UNC5B: variants seen among roughly 807,000 people sequenced by gnomAD.
UNC5B encodes unc-5 netrin receptor B, also known as netrin receptor UNC5B.
Under a neutral mutation model 103.7 loss-of-function variants are expected in UNC5B, and 56 were observed. That is an observed-to-expected ratio of 0.54 (90% CI 0.44 to 0.67). The LOEUF (loss-of-function observed/expected upper bound fraction) is 0.67. Among genes scored for constraint, UNC5B ranks in the 30% least tolerant of loss-of-function variants. The pLI is 0.00. For synonymous variants in UNC5B, 577 were observed against 542.0 expected (o/e 1.06, Z -0.90); for missense variants, 1,194 against 1,284.5 (o/e 0.93, Z 1.08).
intron 1 of UNC5B, among the ~76,000 whole-genome samples, chr10:71,248,858 C>G (rs945847961): frequency 6.3e-5 from 2 of 31,810 alleles, no homozygotes; most frequent in Admixed American, 5.7e-4. Context: ...GTCTCTCTCT[C>G]TCTCTCTCTC....
At chr10:71,289,648 G>A (rs1441339561) in intron 8 of UNC5B, among the ~76,000 whole-genome samples, 1 of 152,266 alleles carries the variant, frequency 6.6e-6, no homozygotes, top group Non-Finnish European at 1.5e-5. Flanking sequence ...GCTCACTGGG[G>A]GTCGGGCTGG....
chr10:71,271,915 G>A (rs936606515), intron 1 of UNC5B, among the ~76,000 whole-genome samples: 27 of 152,214 alleles, frequency 1.8e-4, no homozygotes, highest in African/African-American at 5.3e-4. Context: ...ATGACTTGGC[G>A]TCCCCCGAGC....
chr10:71,291,642 T>G lies in UNC5B; in HGVS notation c.1505T>G (p.Leu502Arg). The change falls in exon 10 of 17, where the codon CTG becomes CGG. Residue 502 changes from leucine to arginine, a missense_variant. Physicochemically the swap from Leu to Arg is moderately radical, Grantham distance 102 (BLOSUM62 -2). Transcript: ENST00000335350. ...CCAGGCCTGGCAGATGGGGCTGACC[T>G]GCTGGGGGTCTTGCCGCCTGGCACA... ...SGPGLADGADLLGVLPPGTYP... is the reference protein window; with the variant it reads ...SGPGLADGADRLGVLPPGTYP... 1 of 1,613,948 alleles carries G rather than the reference T, an allele frequency of 6.2e-7. No homozygotes were observed. The highest frequency in any genetic ancestry group is 8.5e-7 in the Non-Finnish European group (1 of 1,180,028).
intron 1 of UNC5B, among the ~76,000 whole-genome samples, chr10:71,214,862 G>A (rs973235370): frequency 6.6e-6 from 1 of 152,188 alleles, no homozygotes; most frequent in South Asian, 2.1e-4. Flanking sequence ...GGCTTTGATG[G>A]ATTTGGGCAC....
rs948386340 is a variant in UNC5B at position 71,212,885 on chromosome 10, G to A, written c.-101G>A. Reference sequence around the variant, plus strand: ...GGCTGGCGCTGCCGGGCGCCGGGGAGGACGGCGAGGAGGAGGCGGCGGCGG... The same window carrying A: ...GGCTGGCGCTGCCGGGCGCCGGGGAAGACGGCGAGGAGGAGGCGGCGGCGG... On this transcript the variant is annotated 5_prime_UTR_variant, in exon 1 of 17. Coordinates refer to ENST00000335350, the MANE Select transcript of UNC5B (RefSeq NM_170744.5). 52 of 991,452 alleles carry A rather than the reference G, an allele frequency of 5.2e-5. No homozygotes were observed. In the African/African-American group the frequency reaches 8.1e-4, roughly 15 times the overall value. 61.4% of individuals were successfully genotyped at this position (991,452 alleles called of 1,614,324 possible).
intron 1 of UNC5B, among the ~76,000 whole-genome samples, chr10:71,276,154 G>A (rs1013942645): frequency 1.2e-4 from 17 of 145,558 alleles, no homozygotes; most frequent in African/African-American, 4.3e-4. Context: ...TCCTGTTAGG[G>A]ACTTCTTTTT....
Position 71,293,479 on chromosome 10 carries a change from G to C in UNC5B, c.1847G>C (p.Arg616Pro). Reference protein sequence around the residue: ...TCGPTGLLLCRPVILTMPHCA... With the variant: ...TCGPTGLLLCPPVILTMPHCA... The stretch of plus-strand genomic sequence containing the variant: ...GGACCCACAGGCCTCCTGCTGTGCC[G>C]CCCCGTCATCCTCACCATGCCCCAC... The change falls in exon 12 of 17, where the codon CGC (arginine) becomes CCC (proline). Residue 616 changes from arginine (R) to proline (P), a missense_variant. By Grantham distance (103) the Arg-to-Pro change is moderately radical. Coordinates refer to ENST00000335350, the MANE Select transcript of UNC5B (RefSeq NM_170744.5). 6.2e-7 allele frequency: 1 copy of C among 1,613,976 alleles called. No individual in the cohort carries two copies.
At chr10:71,229,289 G>A (rs1218787518) in intron 1 of UNC5B, among the ~76,000 whole-genome samples, 2 of 152,198 alleles carry the variant, frequency 1.3e-5, no homozygotes, top group African/African-American at 4.8e-5. Context: ...CAGATCAGCT[G>A]GTCTGCTGGA....
intron 1 of UNC5B, among the ~76,000 whole-genome samples, chr10:71,230,601 C>G (rs960733252): frequency 2.0e-5 from 3 of 152,274 alleles, no homozygotes; most frequent in Non-Finnish European, 4.4e-5. Flanking sequence ...GGCCTCCCCC[C>G]ACATCCCTGG....
intron 1 of UNC5B, among the ~76,000 whole-genome samples, chr10:71,248,249 C>T (rs1235781105): frequency 6.6e-6 from 1 of 152,164 alleles, no homozygotes; most frequent in Non-Finnish European, 1.5e-5. Flanking sequence ...CCACTTGCTT[C>T]CACCTCTCAG....
rs960201579 is a variant in UNC5B, at chr10:71,213,934, C to T, written c.79+870C>T. ...GTGGGCTCCGAAATAAAGTCCCTAA[C>T]CCTCCTCTCTCGCCGTGGATGAATA... On this transcript the variant is annotated intron_variant, in intron 1 of 16. Coordinates refer to ENST00000335350, the MANE Select transcript of UNC5B (RefSeq NM_170744.5). The surrounding 1 kb of genome is among the most constrained non-coding windows in gnomAD (Gnocchi z 4.1). Among the ~76,000 whole-genome samples, 1 of 151,906 alleles carries T rather than the reference C, an allele frequency of 6.6e-6. No individual in the cohort carries two copies. The highest frequency in any genetic ancestry group is 1.5e-5 in the Non-Finnish European group (1 of 67,982).
At chr10:71,242,240 G>A (rs1237487990) in intron 1 of UNC5B, among the ~76,000 whole-genome samples, 5 of 152,168 alleles carry the variant, frequency 3.3e-5, no homozygotes, top group Non-Finnish European at 7.4e-5. Flanking sequence ...TATGACATGT[G>A]ACCTCGCCCC....
intron 3 of UNC5B, 74 bp downstream of exon 3, chr10:71,284,937 C>G: frequency 6.6e-7 from 1 of 1,519,834 alleles, no homozygotes; most frequent in Non-Finnish European, 8.8e-7. Context: ...GAGGGAACTT[C>G]ACATCTGTGG....
intron 2 of UNC5B, among the ~76,000 whole-genome samples, chr10:71,283,129 A>G (rs968842429): frequency 4.0e-5 from 6 of 151,698 alleles, no homozygotes; most frequent in African/African-American, 2.4e-5. Context: ...CAAAAAAAAA[A>G]AGAGAGGAGT....
chr10:71,300,160 T>G lies in UNC5B; in HGVS notation c.*883T>G, dbSNP rs2132321229. ...ACTAAATTCTGACAAGGCCTCAGTT[T>G]CCCCAGTTGTGCAGGGAGTAGGTCA... On this transcript the variant is annotated 3_prime_UTR_variant, in exon 17 of 17. Transcript: ENST00000335350. 1 of 152,282 alleles carries G rather than the reference T, an allele frequency of 6.6e-6. No homozygotes were observed. 9.4% of individuals were successfully genotyped at this position (152,282 alleles called of 1,614,324 possible).
At chr10:71,224,125 C>G (rs559932890) in intron 1 of UNC5B, among the ~76,000 whole-genome samples, 1 of 152,318 alleles carries the variant, frequency 6.6e-6, no homozygotes, top group African/African-American at 2.4e-5. Context: ...GGAATTCCTC[C>G]CTGGCAGCCC....
chr10:71,299,375 C>T lies in UNC5B; in HGVS notation c.*98C>T. 6.7e-7 allele frequency: 1 copy of T among 1,489,172 alleles called. No homozygotes were observed. Among genetic ancestry groups the T allele is most frequent in the South Asian group, 1.2e-5 (1 of 80,292 alleles). The allele number at this position is 1,489,172 out of a possible 1,614,324, so 92.2% of individuals were successfully genotyped here. A position where few individuals can be genotyped will look rare whatever the true frequency, so the allele number is the denominator to read the frequency against. ...GGGGATGTTTGGCCTCTGCTTCCTC[C>T]CAGTTCACAGCCAGAGTTGCCTCTC... On this transcript the variant is annotated 3_prime_UTR_variant, in exon 17 of 17. Transcript: ENST00000335350.
intron 1 of UNC5B, among the ~76,000 whole-genome samples, chr10:71,276,407 G>A (rs1844772936): frequency 6.6e-6 from 1 of 152,130 alleles, no homozygotes; most frequent in East Asian, 1.9e-4. Flanking sequence ...CAGTCACTGG[G>A]GCCCAAGCCA....
At chr10:71,276,084 T>C (rs1844764146) in intron 1 of UNC5B, among the ~76,000 whole-genome samples, 1 of 152,156 alleles carries the variant, frequency 6.6e-6, no homozygotes, top group South Asian at 2.1e-4. Flanking sequence ...TTTCAATTTA[T>C]CCTAAGATTT....
Sources: gnomAD v4.1 joint callset for allele counts (sites outside exome capture counted in the v4.1 genomes callset) on GRCh38, gnomAD v4.1.1 for gene constraint, Gnocchi (gnomAD v3.1) non-coding constraint, MANE v1.5 for transcripts, NCBI Gene and HGNC (gene_info 2026-07-23, HGNC 2026-07-21) for gene names.